Variants in PSD3 observed in about 807,000 individuals in gnomAD.
PSD3 encodes the protein PH and SEC7 domain-containing protein 3.
A neutral mutation model predicts 105.5 loss-of-function variants in PSD3; 49 were observed. The ratio of observed to expected loss-of-function variants is 0.46; its 90% CI spans 0.37 to 0.59. The LOEUF (loss-of-function observed/expected upper bound fraction) is 0.59, where lower values mean the gene tolerates loss of function less well. PSD3 is among the 20% of genes least tolerant of loss of function. PSD3 has a pLI of 0.00. For missense variants in PSD3, 1,561 were observed against 1,263.8 expected (o/e 1.24, Z -3.57); for synonymous variants, 557 against 457.8 (o/e 1.22, Z -2.77).
chr8:18,621,104 C>T (rs566052906), intron 11 of PSD3, among the ~76,000 whole-genome samples: 17 of 152,172 alleles, frequency 1.1e-4, no homozygotes, highest in African/African-American at 3.4e-4. Context: ...TTCCATTGTT[C>T]CTAGTCAAGA....
chr8:18,720,189 A>T (rs1426028262), intron 9 of PSD3, among the ~76,000 whole-genome samples: 3 of 152,192 alleles, frequency 2.0e-5, no homozygotes, highest in Non-Finnish European at 4.4e-5. Flanking sequence ...AAACAAAAAA[A>T]CAAAAAACCC....
At chr8:19,084,321 C>T (rs375630077) in exon 1 of PSD3, 1 of 456,282 alleles carries the variant, frequency 2.2e-6, no homozygotes. Context: ...GGCCTCCTTA[C>T]AGCTCCTGGG....
chr8:18,764,666 A>T (rs1357675668), intron 9 of PSD3, among the ~76,000 whole-genome samples: 1 of 152,196 alleles, frequency 6.6e-6, no homozygotes, highest in Non-Finnish European at 1.5e-5. Flanking sequence ...TCCATACCAT[A>T]GCTGATTCAA....
In PSD3 at chr8:18,620,869, T is replaced by C. The variant is rs1806063426; in HGVS notation, c.2410+11744A>G. ...AAATTTTCATCAGATTATTAAAGAA[T>C]TTGACACACTGCATTAAATTACCAC... On this transcript the variant is annotated intron_variant, in intron 11 of 15. Transcript: ENST00000327040. Among the ~76,000 whole-genome samples the C allele has an allele frequency of 2.0e-5, 3 of 152,236 alleles. No individual in the cohort carries two copies. In the South Asian group the frequency reaches 6.2e-4, roughly 31 times the overall value.
chr8:18,756,220 T>C (rs78511717), intron 9 of PSD3, among the ~76,000 whole-genome samples: 1 of 152,128 alleles, frequency 6.6e-6, no homozygotes, highest in African/African-American at 2.4e-5. Context: ...GCTCTTTTTT[T>C]AGCTACACTT....
chr8:18,600,458 A>G (rs376657592), intron 11 of PSD3, 24 bp from the exon 12 acceptor site: 21 of 1,544,046 alleles, frequency 1.4e-5, no homozygotes, highest in Middle Eastern at 1.7e-4. Flanking sequence ...AAAAATGTAA[A>G]ATTTTATTTG....
intron 9 of PSD3, among the ~76,000 whole-genome samples, chr8:18,674,625 C>T (rs1799969429): frequency 6.6e-6 from 1 of 152,150 alleles, no homozygotes; most frequent in South Asian, 2.1e-4. Context: ...GGATGGGGCA[C>T]AGAAAATCTC....
chr8:18,572,449 A>G lies in PSD3; in HGVS notation c.2784+79T>C, dbSNP rs184075660. On this transcript the variant is annotated intron_variant, in intron 14 of 15. Coordinates refer to ENST00000327040, the MANE Select transcript of PSD3 (RefSeq NM_015310.4). ...CACACCTGCCCCCAAAACATGGACT[A>G]CTATCCAAAGACAAATATTTATCAC... 1.4e-4 allele frequency: 216 copies of G among 1,526,626 alleles called. 2 individuals are homozygous for G. The East Asian group carries it at 2.6e-3, about 19-fold the overall frequency. 94.6% of individuals were successfully genotyped at this position (1,526,626 alleles called of 1,614,324 possible). A position where few individuals can be genotyped will look rare whatever the true frequency, so the allele number is the denominator to read the frequency against.
intron 9 of PSD3, among the ~76,000 whole-genome samples, chr8:18,702,146 T>A (rs1031984975): frequency 2.2e-4 from 33 of 152,216 alleles, no homozygotes; most frequent in African/African-American, 7.7e-4. Context: ...AACTTGTCCA[T>A]CTGTAGAGGA....
At chr8:18,876,480 G>T (rs557172159) in intron 2 of PSD3, among the ~76,000 whole-genome samples, 4 of 152,242 alleles carry the variant, frequency 2.6e-5, no homozygotes, top group Admixed American at 6.5e-5. Context: ...CTGACCTCCT[G>T]GGCTCAAGCC....
At chr8:18,839,589 C>A (rs142355073) in intron 4 of PSD3, among the ~76,000 whole-genome samples, 1,733 of 152,200 alleles carry the variant, frequency 0.011, 38 homozygotes, top group African/African-American at 0.039. Flanking sequence ...AACACTTCTG[C>A]AAATGTAAGC....
At chr8:18,683,782 C>A in intron 9 of PSD3, 1 of 765,210 alleles carries the variant, frequency 1.3e-6, no homozygotes, top group South Asian at 1.3e-5. Flanking sequence ...ACCTTGTTCT[C>A]CTTAGCAGAA....
chr8:18,690,371 A>C (rs1412448116), intron 9 of PSD3, among the ~76,000 whole-genome samples: 1 of 152,230 alleles, frequency 6.6e-6, no homozygotes, highest in Admixed American at 6.5e-5. Context: ...TACTACTGTT[A>C]AGGATACATA....
intron 4 of PSD3, among the ~76,000 whole-genome samples, chr8:18,805,624 T>C (rs547304264): frequency 4.6e-5 from 7 of 152,354 alleles, no homozygotes; most frequent in African/African-American, 1.2e-4. Flanking sequence ...ATCTATCTTA[T>C]ACTTTGAATG....
chr8:18,964,358 G>A (rs1026059837), intron 1 of PSD3, among the ~76,000 whole-genome samples: 20 of 152,042 alleles, frequency 1.3e-4, no homozygotes, highest in African/African-American at 4.1e-4. Context: ...TCATGGGCTC[G>A]AGTGATCCTC....
In PSD3 at chr8:18,943,314, CTGT is replaced by C. The variant is rs373606100; in HGVS notation, c.22-7175_22-7173del. Among the ~76,000 whole-genome samples the C allele has an allele frequency of 4.8e-3, 737 of 152,304 alleles. 7 individuals carry two copies. Among genetic ancestry groups the C allele is most frequent in the African/African-American group, 0.017 (710 of 41,570 alleles). On this transcript the variant is annotated intron_variant, in intron 1 of 15. Transcript: ENST00000327040. ...AAAAAGAAAAAGTTTTAAAAAATCA[CTGT>C]TGTTTATTTCTGGGTAAGATGGCAA...
intron 4 of PSD3, among the ~76,000 whole-genome samples, chr8:18,859,815 C>A (rs550715297): frequency 6.6e-6 from 1 of 152,222 alleles, no homozygotes; most frequent in South Asian, 2.1e-4. Flanking sequence ...CTTAAGGAAA[C>A]GTTGTGGCTG....
Position 18,708,207 on chromosome 8 carries a change from G to A in PSD3, c.2173-52522C>T, listed in dbSNP as rs115809660. ...TCTTTCTTCCTTCTTTACACATATGGCAAAGAGGATATAAGGATAAAGACA... is the reference window on the plus strand; with the variant it reads ...TCTTTCTTCCTTCTTTACACATATGACAAAGAGGATATAAGGATAAAGACA... On this transcript the variant is annotated intron_variant, in intron 9 of 15. Coordinates refer to ENST00000327040, the MANE Select transcript of PSD3 (RefSeq NM_015310.4). Among the ~76,000 whole-genome samples, 532 of 152,160 alleles carry A rather than the reference G, an allele frequency of 3.5e-3. 6 individuals are homozygous for A. Among genetic ancestry groups the A allele is most frequent in the African/African-American group, 0.011 (472 of 41,510 alleles).
intron 4 of PSD3, chr8:18,809,021 C>A (rs917081847): frequency 1.8e-5 from 19 of 1,039,476 alleles, no homozygotes; most frequent in Non-Finnish European, 2.5e-5. Context: ...CACTGTCTAT[C>A]GAGAACGTAA....
Sources: allele counts gnomAD v4.1 joint callset (sites outside exome capture counted in the v4.1 genomes callset), GRCh38; gene constraint gnomAD v4.1.1; transcripts MANE v1.5; gene names NCBI Gene and HGNC (gene_info 2026-07-23, HGNC 2026-07-21).